TMEM132C: variants seen among roughly 807,000 people sequenced by gnomAD.
TMEM132C encodes protein phosphatase 1, regulatory subunit 152.
Under a neutral mutation model 61.4 loss-of-function variants are expected in TMEM132C, and 29 were observed. The ratio of observed to expected loss-of-function variants is 0.47; its 90% confidence interval spans 0.35 to 0.64. The LOEUF is 0.64. TMEM132C is among the 30% of genes least tolerant of loss of function. TMEM132C has a pLI of 0.00. For synonymous variants in TMEM132C, 656 were observed against 633.1 expected, an observed-to-expected ratio of 1.04 and a Z score of -0.54; for missense variants, 1,408 against 1,476.9, an observed-to-expected ratio of 0.95 and a Z score of 0.76.
intron 1 of TMEM132C, among the ~76,000 whole-genome samples, chr12:128,405,342 C>T (rs148378653): frequency 2.6e-5 from 4 of 152,252 alleles, no homozygotes; most frequent in Non-Finnish European, 5.9e-5. Flanking sequence ...CAGGGTGCTG[C>T]AGCCTGTGTG....
chr12:128,405,507 G>A (rs1875310961), intron 1 of TMEM132C, among the ~76,000 whole-genome samples: 1 of 152,078 alleles, frequency 6.6e-6, no homozygotes, highest in South Asian at 2.1e-4. Flanking sequence ...ATTATTCTGA[G>A]TCTATCTAAG....
intron 5 of TMEM132C, among the ~76,000 whole-genome samples, chr12:128,678,946 G>A (rs1319944618): frequency 1.3e-5 from 2 of 152,170 alleles, no homozygotes; most frequent in African/African-American, 4.8e-5. Context: ...ACTGCCTTTG[G>A]CCTCAGACAG....
At chr12:128,295,803 A>G (rs116130464) in intron 1 of TMEM132C, among the ~76,000 whole-genome samples, 4,150 of 151,510 alleles carry the variant, frequency 0.027, 217 homozygotes, top group African/African-American at 0.096. Context: ...AATTTCTCCT[A>G]TTTCCTTCTT....
chr12:128,532,490 T>G (rs2136137281), intron 2 of TMEM132C, among the ~76,000 whole-genome samples: 1 of 151,200 alleles, frequency 6.6e-6, no homozygotes, highest in East Asian at 1.9e-4. Flanking sequence ...AATACAAAAA[T>G]TAGCCGGGCG....
chr12:128,705,782 C>T lies in TMEM132C; in HGVS notation c.2814C>T (p.Ile938=). The T allele has an allele frequency of 6.4e-7, 1 of 1,551,642 alleles. No individual in the cohort carries two copies. The highest frequency in any genetic ancestry group is 1.4e-5 in the African/African-American group (1 of 73,174). ...YALLGVFCLA[I]LVFLINCATF... is the part of the protein sequence containing the mutation. ...TCCTGGGGGTGTTCTGCCTGGCCATCCTCGTCTTCCTGATCAACTGCGCCA... is the reference window on the plus strand; with the variant it reads ...TCCTGGGGGTGTTCTGCCTGGCCATTCTCGTCTTCCTGATCAACTGCGCCA... The change falls in exon 9 of 9, where the codon ATC becomes ATT. Residue 938 remains isoleucine (I), a synonymous_variant. Coordinates refer to ENST00000435159, the MANE Select transcript of TMEM132C (RefSeq NM_001136103.3).
intron 4 of TMEM132C, among the ~76,000 whole-genome samples, chr12:128,652,169 A>G (rs1015450208): frequency 1.3e-5 from 2 of 151,940 alleles, no homozygotes; most frequent in Non-Finnish European, 2.9e-5. Flanking sequence ...TGCAGAGTAA[A>G]CTCTCTTGAA....
At chr12:128,271,383 C>T (rs778861496) in intron 1 of TMEM132C, among the ~76,000 whole-genome samples, 1 of 151,676 alleles carries the variant, frequency 6.6e-6, no homozygotes, top group Non-Finnish European at 1.5e-5. Context: ...ATCAAATCAT[C>T]ATATTGTACT....
At chr12:128,317,873 G>A (rs887441233) in intron 1 of TMEM132C, among the ~76,000 whole-genome samples, 10 of 152,312 alleles carry the variant, frequency 6.6e-5, no homozygotes, top group African/African-American at 2.4e-4. Flanking sequence ...ACTCCATCCT[G>A]GGTGATAGAG....
intron 1 of TMEM132C, among the ~76,000 whole-genome samples, chr12:128,284,129 T>C (rs756095566): frequency 6.6e-6 from 1 of 152,190 alleles, no homozygotes; most frequent in Admixed American, 6.5e-5. Context: ...CATGGGCCCA[T>C]GTACCACCAT....
chr12:128,693,668 C>A (rs1954735737), intron 5 of TMEM132C, among the ~76,000 whole-genome samples, 161 bp from the exon 6 acceptor site: 1 of 152,152 alleles, frequency 6.6e-6, no homozygotes, highest in Non-Finnish European at 1.5e-5. Flanking sequence ...GGGTCACCTC[C>A]CAATTAAACT....
intron 1 of TMEM132C, among the ~76,000 whole-genome samples, chr12:128,313,590 T>C (rs1872047620): frequency 6.6e-6 from 1 of 152,208 alleles, no homozygotes; most frequent in African/African-American, 2.4e-5. Flanking sequence ...AGCAGAACTT[T>C]CTTTTCTCCA....
At chr12:128,500,957 T>C (rs6486693) in intron 2 of TMEM132C, among the ~76,000 whole-genome samples, 79,797 of 151,958 alleles carry the variant, frequency 0.53, 21,336 homozygotes, top group African/African-American at 0.62. Flanking sequence ...ACAGAAGAAT[T>C]GATAAGCCAA....
intron 1 of TMEM132C, among the ~76,000 whole-genome samples, chr12:128,276,808 G>A (rs1230863032): frequency 6.6e-6 from 1 of 151,918 alleles, no homozygotes; most frequent in Non-Finnish European, 1.5e-5. Flanking sequence ...AGGCAACAAG[G>A]GATTCTTATA....
At chr12:128,315,747 C>T (rs915594945) in intron 1 of TMEM132C, among the ~76,000 whole-genome samples, 2 of 151,966 alleles carry the variant, frequency 1.3e-5, no homozygotes, top group Non-Finnish European at 2.9e-5. Context: ...AGGTGGGCCC[C>T]TAATCCAGTG....
rs183406075 is a variant in TMEM132C at position 128,377,426 on chromosome 12, C to T, written c.86-37306C>T. Reference sequence around the variant, plus strand: ...GGCTCACTACAGAACCTGCCTACCACGTAGGTTGGGATTCTATTGCACCAC... The same window carrying T: ...GGCTCACTACAGAACCTGCCTACCATGTAGGTTGGGATTCTATTGCACCAC... On this transcript the variant is annotated intron_variant, in intron 1 of 8. Transcript: ENST00000435159. Among the ~76,000 whole-genome samples the T allele has an allele frequency of 2.0e-4, 30 of 152,276 alleles. No homozygotes were observed. The Middle Eastern group carries it at 0.01, about 52-fold the overall frequency.
In TMEM132C at chr12:128,608,441, C is replaced by T. The variant is rs79886643; in HGVS notation, c.1122-7711C>T. ...CATCAGAATTATCTGTGTGTCACCACGGTTCAGAACTAGTGAGTTAAGTAA... is the reference window on the plus strand; with the variant it reads ...CATCAGAATTATCTGTGTGTCACCATGGTTCAGAACTAGTGAGTTAAGTAA... On this transcript the variant is annotated intron_variant, in intron 3 of 8. Transcript: ENST00000435159. Among the ~76,000 whole-genome samples, 414 of 152,286 alleles carry T rather than the reference C, an allele frequency of 2.7e-3. 2 individuals are homozygous for T. The highest frequency in any genetic ancestry group is 9.3e-3 in the African/African-American group (386 of 41,566).
Position 128,634,678 on chromosome 12 carries a change from G to A in TMEM132C, c.1305+18343G>A, listed in dbSNP as rs553053792. The stretch of plus-strand genomic sequence containing the variant: ...CCAACTGTACTTGGCAGCCTTGTGC[G>A]ATCTCATCTACAAACTGAGTAAAAC... On this transcript the variant is annotated intron_variant, in intron 4 of 8. Coordinates refer to ENST00000435159, the MANE Select transcript of TMEM132C (RefSeq NM_001136103.3). Among the ~76,000 whole-genome samples, 4 of 152,332 alleles carry A rather than the reference G, an allele frequency of 2.6e-5. No homozygotes were observed. The South Asian group carries it at 8.3e-4, about 32-fold the overall frequency.
intron 3 of TMEM132C, among the ~76,000 whole-genome samples, chr12:128,549,656 G>T (rs1052645207): frequency 6.6e-6 from 1 of 152,110 alleles, no homozygotes; most frequent in Non-Finnish European, 1.5e-5. Flanking sequence ...CACACCTGGC[G>T]AATGATGAAC....
In TMEM132C at chr12:128,376,182, G is replaced by A. The variant is rs116192429; in HGVS notation, c.86-38550G>A. Among the ~76,000 whole-genome samples the A allele has an allele frequency of 1.3e-3, 199 of 152,334 alleles. 1 individual carries two copies. Among genetic ancestry groups the A allele is most frequent in the African/African-American group, 4.2e-3 (173 of 41,576 alleles). ...ATCATCAGTTAAGGATTTTTAGAAG[G>A]AAGTAAACCAAAGAAATACTGCAGT... On this transcript the variant is annotated intron_variant, in intron 1 of 8. Transcript: ENST00000435159.
Sources: allele counts gnomAD v4.1 joint callset (sites outside exome capture counted in the v4.1 genomes callset), GRCh38; gene constraint gnomAD v4.1.1; transcripts MANE v1.5; gene names NCBI Gene and HGNC (gene_info 2026-07-23, HGNC 2026-07-21).